The following DPP10 variants were observed in gnomAD, a reference collection of about 807,000 sequenced individuals.
The protein encoded by DPP10 is inactive dipeptidyl peptidase 10.
DPP10 carries 33 observed loss-of-function variants against 120.9 expected under a neutral mutation model. The observed-to-expected ratio is 0.27, with a 90% CI of 0.21 to 0.37. DPP10 has a LOEUF of 0.37. DPP10 is among the 10% of genes least tolerant of loss of function. The pLI, the probability that DPP10 is intolerant of heterozygous loss-of-function variation, is 1.00. For synonymous variants in DPP10, 337 were observed against 326.1 expected (o/e 1.03, Z -0.36); for missense variants, 816 against 942.8 (o/e 0.87, Z 1.76).
Position 115,551,856 on chromosome 2 carries a change from A to C in DPP10, c.441+25884A>C, listed in dbSNP as rs2079893178. ...AAATCTTTTCAGCTACAAGTACAAG[A>C]AAACTCAAACACAGTTGGTTAAAAA... is the stretch of plus-strand genomic sequence containing the variant. On this transcript the variant is annotated intron_variant, in intron 5 of 25. Coordinates refer to ENST00000410059, the MANE Select transcript of DPP10 (RefSeq NM_020868.6). Among the ~76,000 whole-genome samples, 3 of 152,272 alleles carry C rather than the reference A, an allele frequency of 2.0e-5. No individual in the cohort carries two copies. The South Asian group carries it at 6.2e-4, about 32-fold the overall frequency.
At chr2:115,603,836 A>G (rs2083519943) in intron 5 of DPP10, among the ~76,000 whole-genome samples, 3 of 152,148 alleles carry the variant, frequency 2.0e-5, no homozygotes, top group Non-Finnish European at 4.4e-5. Flanking sequence ...GATGATTTTT[A>G]TCAGAAGGCA....
chr2:115,399,354 A>T (rs1348022686), intron 3 of DPP10, among the ~76,000 whole-genome samples: 1 of 152,186 alleles, frequency 6.6e-6, no homozygotes, highest in Admixed American at 6.5e-5. Context: ...AATAGTATAA[A>T]CTATGATCAA....
chr2:114,687,003 AT>A (rs1400243174), intron 1 of DPP10, among the ~76,000 whole-genome samples: 5 of 151,996 alleles, frequency 3.3e-5, no homozygotes, highest in African/African-American at 1.2e-4. Flanking sequence ...CAAAATCTAT[AT>A]GTTTAACCAC....
At chr2:115,821,340 A>T (rs1374510548) in intron 21 of DPP10, among the ~76,000 whole-genome samples, 2 of 151,970 alleles carry the variant, frequency 1.3e-5, no homozygotes, top group Admixed American at 1.3e-4. Context: ...TGTTGTTTTT[A>T]TTGGCCAAGT....
intron 4 of DPP10, among the ~76,000 whole-genome samples, chr2:115,508,469 T>C (rs1022137682): frequency 2.6e-5 from 4 of 152,202 alleles, no homozygotes; most frequent in Admixed American, 6.5e-5. Context: ...TTACAATTTA[T>C]GACATAGAAT....
At chr2:114,972,021 T>C (rs1391820035) in intron 1 of DPP10, among the ~76,000 whole-genome samples, 3 of 152,224 alleles carry the variant, frequency 2.0e-5, no homozygotes, top group Admixed American at 2.0e-4. Flanking sequence ...TAGACTATTA[T>C]GAATAAGTTG....
At chr2:115,468,170 TG>T (rs1412236619) in intron 3 of DPP10, 2 of 494,004 alleles carry the variant, frequency 4.0e-6, no homozygotes, top group Non-Finnish European at 8.1e-6. Context: ...TCAGTACATC[TG>T]GAAAAGGAAA....
chr2:115,641,058 A>G (rs2086734947), intron 5 of DPP10, among the ~76,000 whole-genome samples: 1 of 152,204 alleles, frequency 6.6e-6, no homozygotes, highest in Admixed American at 6.5e-5. Context: ...TATGTATTAT[A>G]TGATATACAT....
chr2:115,029,280 TA>T (rs1165700818), intron 1 of DPP10, among the ~76,000 whole-genome samples: 2 of 152,158 alleles, frequency 1.3e-5, no homozygotes, highest in Non-Finnish European at 2.9e-5. Context: ...GCCTATCTCT[TA>T]ATGGTTGCTG....
intron 1 of DPP10, among the ~76,000 whole-genome samples, chr2:114,688,164 G>A (rs183880401): frequency 6.0e-4 from 91 of 151,926 alleles, no homozygotes; most frequent in Admixed American, 2.2e-3. Flanking sequence ...AATTCACTTT[G>A]ATCTAGCATA....
chr2:115,576,950 C>G (rs2081706059), intron 5 of DPP10, among the ~76,000 whole-genome samples: 1 of 152,212 alleles, frequency 6.6e-6, no homozygotes, highest in Admixed American at 6.5e-5. Context: ...TGGTTTCTAA[C>G]TCTTCTCAAT....
intron 8 of DPP10, among the ~76,000 whole-genome samples, chr2:115,733,937 A>T (rs554727544): frequency 7.9e-5 from 12 of 152,334 alleles, no homozygotes; most frequent in African/African-American, 2.6e-4. Flanking sequence ...AATATAATAT[A>T]ATTAACATTG....
intron 7 of DPP10, among the ~76,000 whole-genome samples, chr2:115,702,936 C>G (rs958665479): frequency 5.0e-4 from 76 of 151,896 alleles, no homozygotes; most frequent in African/African-American, 1.7e-3. Flanking sequence ...GCTTGTGGTG[C>G]AAGAAGGTGT....
chr2:114,804,955 G>C (rs571967821), intron 1 of DPP10, among the ~76,000 whole-genome samples: 2 of 152,252 alleles, frequency 1.3e-5, no homozygotes, highest in African/African-American at 4.8e-5. Flanking sequence ...AATTTGAATT[G>C]TATCTCCCAG....
intron 1 of DPP10, among the ~76,000 whole-genome samples, chr2:115,226,603 C>T (rs1024013496): frequency 2.0e-5 from 3 of 152,186 alleles, no homozygotes; most frequent in African/African-American, 7.2e-5. Context: ...GTCAGGTAAT[C>T]TTATTCAGCT....
intron 1 of DPP10, among the ~76,000 whole-genome samples, chr2:114,748,502 A>G (rs1678860874): frequency 7.2e-6 from 1 of 138,644 alleles, no homozygotes; most frequent in South Asian, 2.4e-4. Context: ...CACTGCACCC[A>G]CTAACTCGTC....
chr2:114,997,646 G>A (rs1701183058), intron 1 of DPP10, among the ~76,000 whole-genome samples: 1 of 152,120 alleles, frequency 6.6e-6, no homozygotes, highest in Non-Finnish European at 1.5e-5. Flanking sequence ...AATCAAAGAA[G>A]TCATTGTGAA....
At chr2:115,084,465 T>A (rs1222648022) in intron 1 of DPP10, among the ~76,000 whole-genome samples, 5 of 152,248 alleles carry the variant, frequency 3.3e-5, no homozygotes. Flanking sequence ...ATGTGTCATC[T>A]GACAAAAGGT....
chr2:115,293,193 T>C (rs2060733584), intron 1 of DPP10, among the ~76,000 whole-genome samples: 2 of 152,102 alleles, frequency 1.3e-5, no homozygotes, highest in African/African-American at 4.8e-5. Context: ...GTCAGTGCGG[T>C]CAGGCCCTTC....
Sources: gnomAD v4.1 joint callset for allele counts (sites outside exome capture counted in the v4.1 genomes callset) on GRCh38, gnomAD v4.1.1 for gene constraint, MANE v1.5 for transcripts, NCBI Gene and HGNC (gene_info 2026-07-23, HGNC 2026-07-21) for gene names.